The following PRKD2 variants were observed in gnomAD, a reference collection of about 807,000 sequenced individuals.
PRKD2 encodes serine/threonine-protein kinase D2.
A neutral mutation model predicts 86.0 loss-of-function variants in PRKD2; 22 were observed. The ratio of observed to expected loss-of-function variants is 0.26; its 90% CI spans 0.18 to 0.37. PRKD2 has a LOEUF of 0.37. Among genes scored for constraint, PRKD2 ranks in the 10% least tolerant of loss-of-function variants. The probability of loss-of-function intolerance (pLI) is 1.00; values close to 1 mark genes in which losing one functional copy is unlikely to be tolerated. For synonymous variants in PRKD2, 509 were observed against 510.9 expected (o/e 1.00, Z 0.05); for missense variants, 818 against 1,199.2 (o/e 0.68, Z 4.70).
intron 14 of PRKD2, among the ~76,000 whole-genome samples, chr19:46,688,436 A>AT (rs1370948254): frequency 4.8e-4 from 69 of 144,674 alleles, no homozygotes; most frequent in South Asian, 1.1e-3. Flanking sequence ...TATTATTATT[A>AT]TTATTATTTT....
intron 3 of PRKD2, among the ~76,000 whole-genome samples, chr19:46,709,063 G>C (rs968967028): frequency 7.0e-6 from 1 of 143,674 alleles, no homozygotes; most frequent in African/African-American, 2.6e-5. Flanking sequence ...TGCAACCTCT[G>C]TCTCCTGGGT....
At chr19:46,687,637 T>C (rs567518883) in intron 14 of PRKD2, among the ~76,000 whole-genome samples, 2 of 152,188 alleles carry the variant, frequency 1.3e-5, no homozygotes. Context: ...GCTTGGCACA[T>C]AGTAAGTGCT....
intron 3 of PRKD2, among the ~76,000 whole-genome samples, chr19:46,705,879 A>G (rs953813349): frequency 1.3e-5 from 2 of 152,106 alleles, no homozygotes; most frequent in East Asian, 1.9e-4. Context: ...TATTTTGTAG[A>G]GACAGGATCT....
chr19:46,678,592 C>A lies in PRKD2; in HGVS notation c.2142G>T (p.Thr714=), dbSNP rs774251458. The change falls in exon 16 of 18, where the codon ACG becomes ACT. Residue 714 remains threonine, a synonymous_variant. Transcript: ENST00000291281. This position sits in a 1 kb window ranked among gnomAD's most constrained non-coding sequence, Gnocchi z 5.7. ...EKSFRRSVVG[T]PAYLAPEVLL... is the part of the protein sequence containing the mutation. ...GCACCTCGGGTGCCAGGTAGGCCGG[C>A]GTGCCCACCACTGAGCGGCGGAACG... 8 of 1,613,500 alleles carry A rather than the reference C, an allele frequency of 5.0e-6. No individual in the cohort carries two copies.
chr19:46,688,442 A>T (rs11667311), intron 14 of PRKD2, among the ~76,000 whole-genome samples: 100,546 of 138,842 alleles, frequency 0.72, 36,355 homozygotes, highest in African/African-American at 0.75. Flanking sequence ...TATTATTATT[A>T]TTTTTTTTTT....
Position 46,704,347 on chromosome 19 carries a change from G to A in PRKD2, c.711C>T (p.Ser237=), listed in dbSNP as rs778972710. ...ACGATGAGGCAGAAGAGGAGGAAGA[G>A]GATGACGGGGGACGGCGAGGCAGGA... is the stretch of plus-strand genomic sequence containing the variant. ...TELLPRRPPS[S]SSSSSASSYT... Residue 237 remains serine, a synonymous_variant, in exon 5 of 18, where the codon TCC becomes TCT. Coordinates refer to ENST00000291281, the MANE Select transcript of PRKD2 (RefSeq NM_016457.5). 1.2e-6 allele frequency: 2 copies of A among 1,614,166 alleles called. No homozygotes were observed. Among genetic ancestry groups the A allele is most frequent in the South Asian group, 2.2e-5 (2 of 91,084 alleles).
Position 46,697,794 on chromosome 19 carries a change from C to T in PRKD2, c.1178G>A (p.Arg393Gln), listed in dbSNP as rs2053582651. 1.9e-6 allele frequency: 3 copies of T among 1,614,002 alleles called. No homozygotes were observed. Among genetic ancestry groups the T allele is most frequent in the Non-Finnish European group, 1.7e-6 (2 of 1,180,018 alleles). The stretch of plus-strand genomic sequence containing the variant: ...CTCCCGCAGCGTGGTGCTGGATTTC[C>T]GCGTCGTGTGTCGCACCGATTGCAC... ...RVVQSVRHTT[R>Q]KSSTTLREGW... Residue 393 changes from arginine to glutamine, a missense_variant, in exon 8 of 18, where the codon CGG becomes CAG. Physicochemically the swap from Arg to Gln is conservative, Grantham distance 43 (BLOSUM62 1). Around this residue, in one of 5 missense-constraint regions of PRKD2, gnomAD observed 127 missense variants for 157.8 expected, o/e 0.80. Transcript: ENST00000291281.
Position 46,678,427 on chromosome 19 carries a change from C to A in PRKD2, c.2307G>T (p.Pro769=). The change falls in exon 16 of 18, where the codon CCG becomes CCT. Residue 769 remains proline, a synonymous_variant. Coordinates refer to ENST00000291281, the MANE Select transcript of PRKD2 (RefSeq NM_016457.5). The surrounding 1 kb of genome is among the most constrained non-coding windows in gnomAD (Gnocchi z 5.7). ...CTGAGATGTGGCTCCAGGGGCTGGC[C>A]GGGTACATGAAGGCGGCGTTCTGGA... is the stretch of plus-strand genomic sequence containing the variant. ...DQIQNAAFMY[P]ASPWSHISAG... 7 of 1,614,122 alleles carry A rather than the reference C, an allele frequency of 4.3e-6. No individual in the cohort carries two copies. The highest frequency in any genetic ancestry group is 5.9e-6 in the Non-Finnish European group (7 of 1,180,024).
chr19:46,690,740 G>C (rs984862694), intron 12 of PRKD2, 34 bp from the exon 13 acceptor site: 3 of 1,577,710 alleles, frequency 1.9e-6, no homozygotes, highest in Non-Finnish European at 2.6e-6. Context: ...GGGGATGAGA[G>C]AGCAAGACCA....
In PRKD2 at chr19:46,693,954, G is replaced by A. The variant is rs1353681948; in HGVS notation, c.1497C>T (p.Gly499=). The A allele has an allele frequency of 5.0e-6, 8 of 1,611,728 alleles. No individual in the cohort carries two copies. Among genetic ancestry groups the A allele is most frequent in the Non-Finnish European group, 6.8e-6 (8 of 1,179,914 alleles). The change falls in exon 10 of 18, where the codon GGC becomes GGT. Residue 499 remains glycine, a synonymous_variant. Coordinates refer to ENST00000291281, the MANE Select transcript of PRKD2 (RefSeq NM_016457.5). The surrounding 1 kb of genome is among the most constrained non-coding windows in gnomAD (Gnocchi z 4.5). ...GGGCCTGGCGGATGGCTGTCTCCCA[G>A]CCCCGGGCGGCCTCAGCCCCCTGCC... ...PSGQGAEAAR[G]WETAIRQALM...
At chr19:46,691,882 T>C (rs1220650238) in intron 11 of PRKD2, 51 bp downstream of exon 11, 1 of 1,610,494 alleles carries the variant, frequency 6.2e-7, no homozygotes, top group Non-Finnish European at 8.5e-7. Context: ...ACGAGAGAGC[T>C]GAGGAGGGTT....
intron 12 of PRKD2, 87 bp downstream of exon 12, chr19:46,691,648 G>A (rs2053484885): frequency 1.5e-6 from 2 of 1,321,818 alleles, no homozygotes; most frequent in Non-Finnish European, 2.2e-6. Flanking sequence ...CAGAAAGGAA[G>A]GGTTGGAGCC....
intron 9 of PRKD2, 132 bp downstream of exon 9, chr19:46,697,025 G>T: frequency 1.3e-6 from 1 of 778,862 alleles, no homozygotes. Flanking sequence ...TGAGCTGGAA[G>T]CAGGGAGGCT....
intron 9 of PRKD2, among the ~76,000 whole-genome samples, chr19:46,694,963 A>G (rs990062572): frequency 2.0e-5 from 3 of 152,204 alleles, no homozygotes; most frequent in Non-Finnish European, 4.4e-5. Flanking sequence ...GCACTTTGGG[A>G]GGCCAAGGCA....
intron 7 of PRKD2, among the ~76,000 whole-genome samples, chr19:46,699,191 A>G (rs1297181990): frequency 6.6e-6 from 1 of 152,032 alleles, no homozygotes; most frequent in Non-Finnish European, 1.5e-5. Context: ...TCTGCCTGGA[A>G]GCCTTTTCCC....
At chr19:46,700,224 G>A (rs181502634) in intron 7 of PRKD2, among the ~76,000 whole-genome samples, 4 of 150,980 alleles carry the variant, frequency 2.6e-5, no homozygotes, top group African/African-American at 9.7e-5. Flanking sequence ...CAACAAGAGC[G>A]AAACGCCGTC....
In PRKD2 at chr19:46,675,082, A is replaced by C. The variant is rs1341681749; in HGVS notation, c.2375T>G (p.Met792Arg). ...DLINNLLQVK[M>R]RKRYSVDKSL... ...TTTGTCCACGCTGTAGCGTTTGCGC[A>C]TCTTCACCTGCAGCAGGTTGTTGAT... The change falls in exon 17 of 18, where the codon ATG becomes AGG. Residue 792 changes from methionine to arginine, a missense_variant. By Grantham distance (91) the Met-to-Arg change is moderately conservative. Transcript: ENST00000291281. 1.9e-6 allele frequency: 3 copies of C among 1,611,764 alleles called. No individual in the cohort carries two copies. The highest frequency in any genetic ancestry group is 2.5e-6 in the Non-Finnish European group (3 of 1,178,904).
chr19:46,699,668 G>A (rs1034935134), intron 7 of PRKD2, among the ~76,000 whole-genome samples: 1 of 152,186 alleles, frequency 6.6e-6, no homozygotes, highest in African/African-American at 2.4e-5. Context: ...CAGATAGGAA[G>A]TGCCTGATCT....
chr19:46,711,161 C>T (rs763797848), intron 2 of PRKD2, 123 bp from the exon 3 acceptor site: 4 of 1,322,524 alleles, frequency 3.0e-6, no homozygotes, highest in Non-Finnish European at 4.1e-6. Flanking sequence ...TTCCTTCCTT[C>T]ATTTGCTCTC....
Sources: gnomAD v4.1 joint callset for allele counts (sites outside exome capture counted in the v4.1 genomes callset) on GRCh38, gnomAD v4.1.1 for gene constraint, gnomAD v4.1.1 regional missense constraint, Gnocchi (gnomAD v3.1) non-coding constraint, MANE v1.5 for transcripts, NCBI Gene and HGNC (gene_info 2026-07-23, HGNC 2026-07-21) for gene names.